POU2F1: variants seen among roughly 807,000 people sequenced by gnomAD.
POU2F1 encodes POU domain, class 2, transcription factor 1.
In POU2F1, 16 loss-of-function variants were observed where a neutral mutation model predicts 84.9. The observed-to-expected ratio is 0.19, with a 90% CI of 0.13 to 0.29. POU2F1 has a LOEUF of 0.29. POU2F1 is among the 10% of genes least tolerant of loss of function. The pLI, the probability that POU2F1 is intolerant of heterozygous loss-of-function variation, is 1.00. For synonymous variants in POU2F1, 368 were observed against 368.3 expected, an observed-to-expected ratio of 1.00 and a Z score of 0.01; for missense variants, 738 against 942.6, an observed-to-expected ratio of 0.78 and a Z score of 2.84.
chr1:167,301,569 G>T (rs1271996033), intron 1 of POU2F1, among the ~76,000 whole-genome samples: 1 of 152,190 alleles, frequency 6.6e-6, no homozygotes, highest in Non-Finnish European at 1.5e-5. Context: ...CTGTTGTGAG[G>T]ACCACACCTG....
At chr1:167,410,480 C>T (rs566152526) in intron 13 of POU2F1, among the ~76,000 whole-genome samples, 3 of 152,018 alleles carry the variant, frequency 2.0e-5, no homozygotes, top group African/African-American at 7.2e-5. Context: ...TGTTCTGAAG[C>T]TTGGTAAAAG....
At chr1:167,222,023 C>G (rs1044609584) in intron 1 of POU2F1, among the ~76,000 whole-genome samples, 5 of 152,158 alleles carry the variant, frequency 3.3e-5, no homozygotes, top group African/African-American at 9.7e-5. Context: ...CGCTGCCCCC[C>G]CTCCGTTCCC....
At chr1:167,282,923 C>T (rs887992978) in intron 1 of POU2F1, among the ~76,000 whole-genome samples, 1 of 152,186 alleles carries the variant, frequency 6.6e-6, no homozygotes, top group Non-Finnish European at 1.5e-5. Flanking sequence ...TCTCTGTTTT[C>T]TCATATGTAA....
chr1:167,244,376 G>A (rs905255036), intron 1 of POU2F1, among the ~76,000 whole-genome samples: 11 of 152,166 alleles, frequency 7.2e-5, no homozygotes, highest in African/African-American at 2.4e-4. Context: ...ACTGGTGGTC[G>A]AACCGAGGAC....
intron 2 of POU2F1, chr1:167,357,362 C>CCA: frequency 1.5e-4 from 1 of 6,682 alleles, no homozygotes. Flanking sequence ...CCACGCCTCC[C>CCA]CCCCCACCCC....
intron 1 of POU2F1, among the ~76,000 whole-genome samples, chr1:167,328,146 C>T (rs1656830999): frequency 6.6e-6 from 1 of 152,154 alleles, no homozygotes. Context: ...ACATGGCCCA[C>T]CCTTTGACAA....
intron 1 of POU2F1, among the ~76,000 whole-genome samples, chr1:167,327,890 TTAA>T (rs1228566019): frequency 2.0e-5 from 3 of 152,294 alleles, no homozygotes; most frequent in South Asian, 4.1e-4. Flanking sequence ...TTTCCTTACT[TTAA>T]TAATATATAA....
chr1:167,238,760 G>C (rs111963090), intron 1 of POU2F1, among the ~76,000 whole-genome samples: 5 of 152,328 alleles, frequency 3.3e-5, no homozygotes, highest in African/African-American at 1.2e-4. Context: ...AAGGTTACTG[G>C]CATAGGGTAG....
At chr1:167,374,991 C>T (rs1315261272) in intron 6 of POU2F1, among the ~76,000 whole-genome samples, 1 of 150,962 alleles carries the variant, frequency 6.6e-6, no homozygotes, top group African/African-American at 2.4e-5. Context: ...AGCGTGAACC[C>T]AGGAGGTGGA....
intron 1 of POU2F1, among the ~76,000 whole-genome samples, chr1:167,305,534 C>T (rs1159653362): frequency 6.6e-6 from 1 of 152,120 alleles, no homozygotes; most frequent in Non-Finnish European, 1.5e-5. Flanking sequence ...TTTAATAGCT[C>T]ATATCATGTA....
At chr1:167,390,990 C>T (rs906570475) in intron 9 of POU2F1, among the ~76,000 whole-genome samples, 4 of 151,990 alleles carry the variant, frequency 2.6e-5, no homozygotes, top group East Asian at 1.9e-4. Flanking sequence ...GTCAGCTAAC[C>T]GAGGACTTTT....
At chr1:167,393,660 G>C (rs527306260) in intron 9 of POU2F1, among the ~76,000 whole-genome samples, 1 of 152,030 alleles carries the variant, frequency 6.6e-6, no homozygotes, top group African/African-American at 2.4e-5. Context: ...ACCACACACA[G>C]CTAATTTTTT....
intron 1 of POU2F1, among the ~76,000 whole-genome samples, chr1:167,243,149 G>A (rs1428118353): frequency 6.6e-6 from 1 of 152,150 alleles, no homozygotes; most frequent in Non-Finnish European, 1.5e-5. Context: ...TTATTGCATG[G>A]TAATTAAGAA....
At chr1:167,282,477 C>T (rs1653227905) in intron 1 of POU2F1, among the ~76,000 whole-genome samples, 1 of 152,190 alleles carries the variant, frequency 6.6e-6, no homozygotes, top group Non-Finnish European at 1.5e-5. Flanking sequence ...ATCCCTCTTG[C>T]TTAAAACTCC....
chr1:167,341,690 G>A (rs72693634), intron 2 of POU2F1, among the ~76,000 whole-genome samples: 3,998 of 152,224 alleles, frequency 0.026, 79 homozygotes, highest in Middle Eastern at 0.061. Flanking sequence ...AGCCCAAGTG[G>A]GCACATGTTT....
intron 2 of POU2F1, among the ~76,000 whole-genome samples, chr1:167,346,456 C>T (rs947831399): frequency 2.0e-5 from 3 of 152,148 alleles, no homozygotes; most frequent in Non-Finnish European, 4.4e-5. Flanking sequence ...AGATCAGCAG[C>T]CCCCAACCTT....
chr1:167,356,310 G>A (rs1176424257), intron 2 of POU2F1, among the ~76,000 whole-genome samples: 1 of 151,620 alleles, frequency 6.6e-6, no homozygotes, highest in Non-Finnish European at 1.5e-5. Flanking sequence ...CACAAAGGCA[G>A]TTTTAAAGTA....
chr1:167,247,314 C>T (rs76894771), intron 1 of POU2F1, among the ~76,000 whole-genome samples: 5,409 of 152,156 alleles, frequency 0.036, 183 homozygotes, highest in African/African-American at 0.089. Flanking sequence ...GATCCTTCTG[C>T]CTCGACCTCC....
chr1:167,338,170 A>G (rs1657595813), intron 2 of POU2F1: 5 of 468,328 alleles, frequency 1.1e-5, no homozygotes, highest in South Asian at 4.6e-5. Context: ...CTGAGTCAGC[A>G]AGACCCCTCC....
Sources: allele counts gnomAD v4.1 joint callset (sites outside exome capture counted in the v4.1 genomes callset), GRCh38; gene constraint gnomAD v4.1.1; transcripts MANE v1.5; gene names NCBI Gene and HGNC (gene_info 2026-07-23, HGNC 2026-07-21).